The following RC3H2 variants were observed in gnomAD, a reference collection of about 807,000 sequenced individuals.
RC3H2 encodes roquin-2.
RC3H2 carries 31 observed loss-of-function variants against 133.3 expected under a neutral mutation model. That is an observed-to-expected ratio of 0.23 (90% confidence interval 0.17 to 0.31). The LOEUF (loss-of-function observed/expected upper bound fraction) is 0.31. Among genes scored for constraint, RC3H2 ranks in the 10% least tolerant of loss-of-function variants. RC3H2 has a pLI of 1.00. For synonymous variants in RC3H2, 517 were observed against 502.2 expected (o/e 1.03, Z -0.40); for missense variants, 1,175 against 1,437.2 (o/e 0.82, Z 2.95).
At chr9:122,885,355 G>A (rs993273420) in intron 4 of RC3H2, among the ~76,000 whole-genome samples, 14 of 152,034 alleles carry the variant, frequency 9.2e-5, no homozygotes, top group Non-Finnish European at 1.5e-4. Context: ...CAGTAAATAC[G>A]AAATTATTTC....
intron 10 of RC3H2, among the ~76,000 whole-genome samples, chr9:122,860,950 C>T (rs1286092068): frequency 6.6e-6 from 1 of 152,112 alleles, no homozygotes; most frequent in Non-Finnish European, 1.5e-5. Context: ...ATATCCCCAG[C>T]ACCTAAAACA....
chr9:122,853,919 T>TAA, intron 18 of RC3H2, 33 bp downstream of exon 18: 1 of 1,614,230 alleles, frequency 6.2e-7, no homozygotes, highest in Non-Finnish European at 8.5e-7. Flanking sequence ...ACAAATACAT[T>TAA]AAGCATGAAG....
rs1345108653 is a variant in RC3H2, at chr9:122,852,597, C to T, written c.3118-1161G>A. On this transcript the variant is annotated intron_variant, in intron 18 of 20. Transcript: ENST00000357244. Reference sequence around the variant, plus strand: ...GGAGGGAGGTGTGGGGGTCAGCCCCCGGCCCGGCCAGCCGCCCTGACCGGG... The same window carrying T: ...GGAGGGAGGTGTGGGGGTCAGCCCCTGGCCCGGCCAGCCGCCCTGACCGGG... Among the ~76,000 whole-genome samples the T allele has an allele frequency of 1.1e-4, 16 of 150,450 alleles. No homozygotes were observed. The East Asian group carries it at 1.2e-3, about 11-fold the overall frequency.
At chr9:122,886,012 C>G (rs973492323) in intron 4 of RC3H2, among the ~76,000 whole-genome samples, 4 of 152,162 alleles carry the variant, frequency 2.6e-5, no homozygotes, top group African/African-American at 9.7e-5. Context: ...CTCAGCCTCC[C>G]GAATAGCTGG....
In RC3H2 at chr9:122,868,837, A is replaced by G. The variant is rs573645003; in HGVS notation, c.1326-3180T>C. Among the ~76,000 whole-genome samples, 4 of 122,874 alleles carry G rather than the reference A, an allele frequency of 3.3e-5. No individual in the cohort carries two copies. In the East Asian group the frequency reaches 7.7e-4, roughly 24 times the overall value. 80.6% of individuals were successfully genotyped at this position (122,874 alleles called of 152,430 possible). On this transcript the variant is annotated intron_variant, in intron 9 of 20. Coordinates refer to ENST00000357244, the MANE Select transcript of RC3H2 (RefSeq NM_001100588.3). Reference sequence around the variant, plus strand: ...ATAATCCTTAACAATATTCCCTCCTATATGTGTGTGTGTGTGTGTGTGTGT... The same window carrying G: ...ATAATCCTTAACAATATTCCCTCCTGTATGTGTGTGTGTGTGTGTGTGTGT...
At position 122,871,390 on chromosome 9, in the gene RC3H2, C is replaced by G. The variant is rs1025806459; in HGVS notation, c.1326-5733G>C. 1.1e-4 allele frequency among the ~76,000 whole-genome samples: 17 copies of G among 152,132 alleles called. 1 individual carries two copies. The highest frequency in any genetic ancestry group is 4.2e-4 in the South Asian group (2 of 4,812). ...TCAGCTCACTGCAAGCTCCACCTCC[C>G]AGGTTCACGCCATTCTCCAGCCTCA... is the stretch of plus-strand genomic sequence containing the variant. On this transcript the variant is annotated intron_variant, in intron 9 of 20. Transcript: ENST00000357244.
In RC3H2 at chr9:122,877,554, G is replaced by A. The variant is rs935089392; in HGVS notation, c.1242C>T (p.Ser414=). ...QPQPNSKYKT[S]MCRDLRQQGG... The stretch of plus-strand genomic sequence containing the variant: ...CTTGCTGTCGCAAATCTCGGCACAT[G>A]CTAGTCTTGTATTTGCTGTTTGGCT... Residue 414 remains serine (S), a synonymous_variant, in exon 9 of 21, where the codon AGC becomes AGT. Coordinates refer to ENST00000357244, the MANE Select transcript of RC3H2 (RefSeq NM_001100588.3). 7 of 1,614,132 alleles carry A rather than the reference G, an allele frequency of 4.3e-6. No individual in the cohort carries two copies. Among genetic ancestry groups the A allele is most frequent in the Non-Finnish European group, 5.1e-6 (6 of 1,179,992 alleles).
intron 13 of RC3H2, among the ~76,000 whole-genome samples, chr9:122,856,667 G>C (rs188142726): frequency 9.0e-4 from 137 of 152,180 alleles, no homozygotes; most frequent in African/African-American, 3.1e-3. Context: ...GAGATAAAGG[G>C]GAAATGAATA....
chr9:122,883,685 T>C (rs1831754496), intron 4 of RC3H2, among the ~76,000 whole-genome samples: 1 of 152,160 alleles, frequency 6.6e-6, no homozygotes, highest in African/African-American at 2.4e-5. Context: ...AAAAAAGTCA[T>C]TTATAAAACA....
In RC3H2 at chr9:122,851,424, A is replaced by G. The variant is rs779339934; in HGVS notation, c.3130T>C (p.Tyr1044His). ...ELRNGELQSD[Y>H]TEDATDTKPD... The stretch of plus-strand genomic sequence containing the variant: ...TTAGTATCTGTTGCATCTTCTGTAT[A>G]ATCACTCTGTAACTAAGAAAAATAC... Residue 1044 changes from tyrosine (Y) to histidine (H), a missense_variant, in exon 19 of 21, where the codon TAT becomes CAT. Physicochemically the swap from Tyr to His is moderately conservative, Grantham distance 83. This residue lies in a region of RC3H2 where 220 missense variants were observed against 201.1 expected (regional missense o/e 1.09). Transcript: ENST00000357244. 2 of 1,613,954 alleles carry G rather than the reference A, an allele frequency of 1.2e-6. No individual in the cohort carries two copies. Among genetic ancestry groups the G allele is most frequent in the Admixed American group, 1.7e-5 (1 of 60,008 alleles).
At chr9:122,886,901 G>C (rs920231356) in intron 4 of RC3H2, among the ~76,000 whole-genome samples, 1 of 152,198 alleles carries the variant, frequency 6.6e-6, no homozygotes, top group African/African-American at 2.4e-5. Context: ...GAACAAAAGA[G>C]ATGTGACACC....
chr9:122,883,041 A>G (rs1485260537), intron 5 of RC3H2, among the ~76,000 whole-genome samples, 163 bp downstream of exon 5: 1 of 152,208 alleles, frequency 6.6e-6, no homozygotes, highest in African/African-American at 2.4e-5. Flanking sequence ...AATGGGTACT[A>G]CCAAAAGGTG....
chr9:122,851,864 C>G (rs1007460585), intron 18 of RC3H2, among the ~76,000 whole-genome samples: 1 of 152,250 alleles, frequency 6.6e-6, no homozygotes, highest in Non-Finnish European at 1.5e-5. Context: ...CACCTCCCAG[C>G]CGCCTGCCTT....
chr9:122,871,649 C>G (rs1266098423), intron 9 of RC3H2, among the ~76,000 whole-genome samples: 4 of 151,958 alleles, frequency 2.6e-5, no homozygotes, highest in Non-Finnish European at 5.9e-5. Flanking sequence ...AAGAGTCTTT[C>G]CTACACTATT....
chr9:122,849,489 A>G lies in RC3H2; in HGVS notation c.*138T>C. The stretch of plus-strand genomic sequence containing the variant: ...TGCAAGAGGGCTTGAAGTATCAAAG[A>G]GTCCACAGGAAATGGATGCCCCCAG... On this transcript the variant is annotated 3_prime_UTR_variant, in exon 21 of 21. Transcript: ENST00000357244. 3.9e-6 allele frequency: 1 copy of G among 255,290 alleles called. No homozygotes were observed. Among genetic ancestry groups the G allele is most frequent in the Non-Finnish European group, 6.9e-6 (1 of 144,002 alleles). 15.8% of individuals were successfully genotyped at this position (255,290 alleles called of 1,614,324 possible). A position where few individuals can be genotyped will look rare whatever the true frequency, so the allele number is the denominator to read the frequency against.
intron 11 of RC3H2, 150 bp from the exon 12 acceptor site, chr9:122,859,252 C>CTTTATTTTTTTT (rs1830367509): frequency 5.6e-6 from 1 of 179,744 alleles, no homozygotes; most frequent in Admixed American, 1.2e-4. Flanking sequence ...TATACCCTGG[C>CTTTATTTTTTTT]TTTTTTTTTT....
chr9:122,877,628 C>G, intron 8 of RC3H2, 45 bp from the exon 9 acceptor site: 2 of 1,435,304 alleles, frequency 1.4e-6, no homozygotes, highest in Middle Eastern at 1.8e-4. Context: ...GGTGAAGATT[C>G]CATTTGTTAT....
At chr9:122,852,929 T>C (rs1486779500) in intron 18 of RC3H2, among the ~76,000 whole-genome samples, 1 of 151,972 alleles carries the variant, frequency 6.6e-6, no homozygotes, top group Non-Finnish European at 1.5e-5. Context: ...GGCGGTTTTG[T>C]GGAATAGAAA....
chr9:122,882,584 A>G (rs1224702679), intron 5 of RC3H2, among the ~76,000 whole-genome samples: 1 of 152,220 alleles, frequency 6.6e-6, no homozygotes, highest in Non-Finnish European at 1.5e-5. Context: ...TGGATCATAA[A>G]AACACTTTAA....
Sources: allele counts gnomAD v4.1 joint callset (sites outside exome capture counted in the v4.1 genomes callset), GRCh38; gene constraint gnomAD v4.1.1; regional missense constraint gnomAD v4.1.1; transcripts MANE v1.5; gene names NCBI Gene and HGNC (gene_info 2026-07-23, HGNC 2026-07-21).